Variants in TUT4 observed in about 807,000 individuals in gnomAD.
TUT4 encodes terminal uridylyl transferase 4.
Under a neutral mutation model 192.2 loss-of-function variants are expected in TUT4, and 36 were observed. The observed-to-expected ratio is 0.19, with a 90% CI of 0.14 to 0.25. The LOEUF (loss-of-function observed/expected upper bound fraction) is 0.25. Ranked by LOEUF, TUT4 falls within the 10% of genes least tolerant of loss-of-function variation. The probability of loss-of-function intolerance (pLI) is 1.00; values close to 1 mark genes in which losing one functional copy is unlikely to be tolerated. For missense variants in TUT4, 1,493 were observed against 1,957.2 expected, an observed-to-expected ratio of 0.76 and a Z score of 4.47; for synonymous variants, 618 against 666.0, an observed-to-expected ratio of 0.93 and a Z score of 1.11.
intron 20 of TUT4, among the ~76,000 whole-genome samples, chr1:52,450,505 C>G (rs1659065374): frequency 1.3e-5 from 2 of 152,124 alleles, no homozygotes; most frequent in South Asian, 4.1e-4. Context: ...GTCCTACCTA[C>G]ATTTTTCCAA....
chr1:52,443,455 G>GGC (rs1656345361), intron 24 of TUT4, among the ~76,000 whole-genome samples: 1 of 151,710 alleles, frequency 6.6e-6, no homozygotes, highest in Non-Finnish European at 1.5e-5. Flanking sequence ...CAGGTGTGGT[G>GGC]GCGCGTGCCT....
intron 20 of TUT4, among the ~76,000 whole-genome samples, chr1:52,452,864 T>C (rs921214149): frequency 1.3e-5 from 2 of 152,196 alleles, no homozygotes; most frequent in African/African-American, 4.8e-5. Flanking sequence ...TCAGAAGTTC[T>C]GGAGGGCCTA....
chr1:52,459,614 G>A (rs1249812029), intron 19 of TUT4, among the ~76,000 whole-genome samples: 1 of 151,988 alleles, frequency 6.6e-6, no homozygotes, highest in Non-Finnish European at 1.5e-5. Flanking sequence ...GGCTGGGGGT[G>A]GTGGCTCACG....
chr1:52,490,150 CTTT>C (rs34451806), intron 8 of TUT4, among the ~76,000 whole-genome samples: 6 of 120,356 alleles, frequency 5.0e-5, no homozygotes, highest in South Asian at 2.8e-4. Flanking sequence ...AGAAGAGAGG[CTTT>C]TTTTTTTTTT....
At chr1:52,428,460 C>G (rs890258487) in intron 28 of TUT4, among the ~76,000 whole-genome samples, 1 of 152,056 alleles carries the variant, frequency 6.6e-6, no homozygotes, top group African/African-American at 2.4e-5. Flanking sequence ...AACCCCGTCT[C>G]TACTAAAATA....
chr1:52,486,703 G>C (rs774160005), intron 9 of TUT4, among the ~76,000 whole-genome samples: 1 of 152,150 alleles, frequency 6.6e-6, no homozygotes, highest in Non-Finnish European at 1.5e-5. Context: ...GTTGGAAACA[G>C]AAAGAAACCA....
At chr1:52,446,538 G>T in intron 21 of TUT4, 52 bp downstream of exon 21, 1 of 1,555,710 alleles carries the variant, frequency 6.4e-7, no homozygotes, top group Non-Finnish European at 8.7e-7. Flanking sequence ...TTATACAGAT[G>T]CTAACATATA....
chr1:52,495,446 T>A lies in TUT4; in HGVS notation c.1247A>T (p.Asp416Val), dbSNP rs1332292079. The A allele has an allele frequency of 6.2e-7, 1 of 1,606,398 alleles. No individual in the cohort carries two copies. Among genetic ancestry groups the A allele is most frequent in the Admixed American group, 1.7e-5 (1 of 59,494 alleles). ...FALKSSDVNIDIKFPPKMNHP... is the reference protein window; with the variant it reads ...FALKSSDVNIVIKFPPKMNHP... Reference sequence around the variant, plus strand: ...ACTTACCTTGGGAGGAAATTTTATATCTATATTAACATCACTACTTTTCAG... The same window carrying A: ...ACTTACCTTGGGAGGAAATTTTATAACTATATTAACATCACTACTTTTCAG... Residue 416 changes from aspartate (D) to valine (V), a missense_variant, in exon 6 of 30, where the codon GAT becomes GTT. Physicochemically the swap from Asp to Val is radical, Grantham distance 152. This residue lies in a region of TUT4 where 437 missense variants were observed against 577.6 expected (regional missense o/e 0.76). Coordinates refer to ENST00000257177, the MANE Select transcript of TUT4 (RefSeq NM_001009881.3).
At chr1:52,551,840 A>T (rs1007902764) in intron 1 of TUT4, among the ~76,000 whole-genome samples, 4 of 152,212 alleles carry the variant, frequency 2.6e-5, no homozygotes, top group African/African-American at 4.8e-5. Context: ...TTAAAAACAG[A>T]AACAGGATAT....
At chr1:52,518,522 A>G (rs1180649542) in intron 2 of TUT4, among the ~76,000 whole-genome samples, 1 of 152,112 alleles carries the variant, frequency 6.6e-6, no homozygotes, top group Non-Finnish European at 1.5e-5. Context: ...ACCTCATTTA[A>G]CCTTAATTAC....
chr1:52,511,448 G>C (rs955761868), intron 3 of TUT4, among the ~76,000 whole-genome samples: 1 of 152,118 alleles, frequency 6.6e-6, no homozygotes, highest in Non-Finnish European at 1.5e-5. Flanking sequence ...AAATAAAATA[G>C]AAATCCCTGT....
At chr1:52,545,059 A>C (rs868494920) in intron 1 of TUT4, among the ~76,000 whole-genome samples, 1 of 145,356 alleles carries the variant, frequency 6.9e-6, no homozygotes, top group Non-Finnish European at 1.5e-5. Flanking sequence ...CTTGTCCCCA[A>C]AAAAAAAAAA....
chr1:52,487,753 C>CA (rs1005504651), intron 9 of TUT4, among the ~76,000 whole-genome samples: 22 of 150,122 alleles, frequency 1.5e-4, no homozygotes, highest in South Asian at 6.3e-4. Flanking sequence ...AACAAACAAA[C>CA]AAAAAAAAAC....
intron 7 of TUT4, 66 bp from the exon 8 acceptor site, chr1:52,490,867 T>C: frequency 1.6e-6 from 2 of 1,256,602 alleles, no homozygotes; most frequent in Non-Finnish European, 2.2e-6. Context: ...ACAGTAAACA[T>C]TAAGTAACAG....
At chr1:52,536,634 C>T (rs902637989) in intron 1 of TUT4, among the ~76,000 whole-genome samples, 1 of 148,206 alleles carries the variant, frequency 6.7e-6, no homozygotes, top group Non-Finnish European at 1.5e-5. Flanking sequence ...AGGTGGATTA[C>T]CTGAGATCAG....
In TUT4 at chr1:52,441,387, G is replaced by A. The variant is rs1013183143; in HGVS notation, c.3823-3052C>T. 4.0e-5 allele frequency among the ~76,000 whole-genome samples: 6 copies of A among 149,392 alleles called. No homozygotes were observed. In the South Asian group the frequency reaches 6.4e-4, roughly 16 times the overall value. ...CAACCTCCGCCTCCCGGGTTCAAGC[G>A]ATTCTCCTGCCTCAGCCAAGCTGGG... On this transcript the variant is annotated intron_variant, in intron 24 of 29. Coordinates refer to ENST00000257177, the MANE Select transcript of TUT4 (RefSeq NM_001009881.3).
intron 11 of TUT4, among the ~76,000 whole-genome samples, chr1:52,479,575 G>T (rs2148942837): frequency 6.6e-6 from 1 of 152,220 alleles, no homozygotes; most frequent in South Asian, 2.1e-4. Context: ...TAACCGAAAG[G>T]AACATCCTTT....
chr1:52,536,092 A>G (rs1684825631), intron 1 of TUT4, among the ~76,000 whole-genome samples: 1 of 152,256 alleles, frequency 6.6e-6, no homozygotes, highest in African/African-American at 2.4e-5. Flanking sequence ...ATAGGTAAAT[A>G]TAAAAGCCAA....
intron 1 of TUT4, among the ~76,000 whole-genome samples, chr1:52,531,373 G>A (rs938527762): frequency 2.0e-5 from 3 of 151,990 alleles, no homozygotes; most frequent in Admixed American, 6.6e-5. Flanking sequence ...CACACTTAAT[G>A]AACCATGGCT....
Sources: gnomAD v4.1 joint callset for allele counts (sites outside exome capture counted in the v4.1 genomes callset) on GRCh38, gnomAD v4.1.1 for gene constraint, gnomAD v4.1.1 regional missense constraint, MANE v1.5 for transcripts, NCBI Gene and HGNC (gene_info 2026-07-23, HGNC 2026-07-21) for gene names.